The following AFF2 variants were observed in gnomAD, a reference collection of about 807,000 sequenced individuals.
The protein encoded by AFF2 is AF4/FMR2 family member 2.
In AFF2, 14 loss-of-function variants were observed where a neutral mutation model predicts 76.9. The observed-to-expected ratio is 0.18, with a 90% confidence interval of 0.12 to 0.28. The LOEUF is 0.28. Among genes scored for constraint, AFF2 ranks in the 10% least tolerant of loss-of-function variants. The probability of loss-of-function intolerance (pLI) is 1.00; values close to 1 mark genes in which losing one functional copy is unlikely to be tolerated. For missense variants in AFF2, 868 were observed against 1,001.1 expected (o/e 0.87, Z 1.79); for synonymous variants, 398 against 366.7 (o/e 1.09, Z -0.98).
At chrX:148,694,900 C>G (rs1005845958) in intron 3 of AFF2, among the ~76,000 whole-genome samples, 8 of 105,155 alleles carry the variant, frequency 7.6e-5, no homozygotes, top group Non-Finnish European at 1.6e-4. Flanking sequence ...ACTGCAACCT[C>G]CGTCTCCCGG....
At chrX:148,856,512 A>G (rs782737228) in intron 7 of AFF2, among the ~76,000 whole-genome samples, 43 of 110,720 alleles carry the variant, frequency 3.9e-4, no homozygotes, top group Non-Finnish European at 7.6e-4. Context: ...CTACCCATGG[A>G]CTCTCCAATC....
intron 1 of AFF2, among the ~76,000 whole-genome samples, chrX:148,503,339 C>G (rs782819262): frequency 1.8e-5 from 2 of 111,750 alleles, no homozygotes; most frequent in African/African-American, 6.5e-5. Flanking sequence ...CTTTGGAAGT[C>G]CAGAGCATGC....
chrX:148,542,548 T>C (rs1484719518), intron 1 of AFF2, among the ~76,000 whole-genome samples: 2 of 111,738 alleles, frequency 1.8e-5, no homozygotes, highest in Non-Finnish European at 3.8e-5. Flanking sequence ...TCTTCTATAC[T>C]AGGATATTCT....
intron 4 of AFF2, among the ~76,000 whole-genome samples, chrX:148,833,495 G>C (rs1421808629): frequency 9.1e-6 from 1 of 109,950 alleles, no homozygotes. Context: ...CCAGCTACTT[G>C]GGAGGCTGAG....
chrX:148,675,912 A>G (rs1383990902), intron 3 of AFF2, among the ~76,000 whole-genome samples: 1 of 110,799 alleles, frequency 9.0e-6, no homozygotes, highest in Non-Finnish European at 1.9e-5. Flanking sequence ...TGAACCCACA[A>G]TCCACATATA....
intron 1 of AFF2, among the ~76,000 whole-genome samples, chrX:148,511,535 T>G (rs1218955946): frequency 8.9e-6 from 1 of 112,742 alleles, no homozygotes; most frequent in African/African-American, 3.2e-5. Context: ...CAGAAAAGTT[T>G]CCACACGTGC....
chrX:148,579,337 A>T (rs1557243991), intron 1 of AFF2, among the ~76,000 whole-genome samples: 1 of 111,742 alleles, frequency 8.9e-6, no homozygotes, highest in African/African-American at 3.3e-5. Flanking sequence ...GTCTGTAAAT[A>T]ACATTGGAGT....
At chrX:148,921,376 C>G (rs782474346) in intron 9 of AFF2, among the ~76,000 whole-genome samples, 18 of 112,273 alleles carry the variant, frequency 1.6e-4, no homozygotes, top group African/African-American at 5.8e-4. Flanking sequence ...CTCTCACCCC[C>G]CAAGGGAGCC....
chrX:148,792,294 T>C (rs1221756444), intron 3 of AFF2, among the ~76,000 whole-genome samples: 1 of 112,030 alleles, frequency 8.9e-6, no homozygotes, highest in Non-Finnish European at 1.9e-5. Flanking sequence ...TAACCATTTA[T>C]ATACAAAAAT....
At chrX:148,682,582 A>G (rs985143934) in intron 3 of AFF2, among the ~76,000 whole-genome samples, 5 of 64,322 alleles carry the variant, frequency 7.8e-5, no homozygotes, top group African/African-American at 1.9e-4. Context: ...GGACAGGTGG[A>G]TGGATGGATG....
intron 9 of AFF2, among the ~76,000 whole-genome samples, chrX:148,952,458 A>G (rs1182674908): frequency 4.5e-5 from 5 of 110,715 alleles, no homozygotes; most frequent in Non-Finnish European, 9.5e-5. Context: ...GGCCCCGAGC[A>G]CTCCCCTCCC....
intron 7 of AFF2, among the ~76,000 whole-genome samples, chrX:148,863,030 G>A (rs191904611): frequency 3.6e-5 from 4 of 110,889 alleles, no homozygotes; most frequent in East Asian, 2.9e-4. Flanking sequence ...TTTATAATAC[G>A]CATGTTTGGA....
intron 3 of AFF2, among the ~76,000 whole-genome samples, chrX:148,703,872 A>C (rs2054832278): frequency 9.1e-6 from 1 of 110,291 alleles, no homozygotes; most frequent in Admixed American, 9.9e-5. Flanking sequence ...AACCTTAAAT[A>C]GGCCAGAAAA....
chrX:148,624,219 G>A (rs782592167), intron 1 of AFF2, among the ~76,000 whole-genome samples: 9 of 111,167 alleles, frequency 8.1e-5, no homozygotes, highest in South Asian at 3.8e-4. Context: ...CCATCACCAC[G>A]TCTAACCTCG....
intron 7 of AFF2, among the ~76,000 whole-genome samples, chrX:148,867,894 C>T (rs1289370797): frequency 9.0e-6 from 1 of 111,469 alleles, no homozygotes; most frequent in Non-Finnish European, 1.9e-5. Context: ...ACTACAGAGG[C>T]TATGTAAATA....
chrX:148,675,549 A>G (rs1443568313), intron 3 of AFF2, among the ~76,000 whole-genome samples: 2 of 110,027 alleles, frequency 1.8e-5, no homozygotes, highest in African/African-American at 6.6e-5. Context: ...AGTTAAGGAG[A>G]TGGCCCCAGT....
At chrX:148,850,524 C>A (rs1432067254) in intron 7 of AFF2, among the ~76,000 whole-genome samples, 1 of 110,907 alleles carries the variant, frequency 9.0e-6, no homozygotes, top group Non-Finnish European at 1.9e-5. Context: ...GATAACACAC[C>A]CCCACACACA....
rs889108184 is a variant in AFF2 at position 148,810,250 on chromosome X, A to G, written c.1086+330A>G. On this transcript the variant is annotated intron_variant, in intron 4 of 20. Transcript: ENST00000370460. Reference sequence around the variant, plus strand: ...TTGCCTTTTACCTTTCTGGGATCTCAGCTCAATCTCACTGCTGCCGCCCAC... The same window carrying G: ...TTGCCTTTTACCTTTCTGGGATCTCGGCTCAATCTCACTGCTGCCGCCCAC... Among the ~76,000 whole-genome samples, 48 of 112,166 alleles carry G rather than the reference A, an allele frequency of 4.3e-4. 1 individual carries two copies. The highest frequency in any genetic ancestry group is 1.5e-3 in the African/African-American group (46 of 30,868).
Position 148,648,733 on chromosome X carries a change from A to G in AFF2, c.48-3266A>G, listed in dbSNP as rs1373788636. Among the ~76,000 whole-genome samples, 5 of 110,938 alleles carry G rather than the reference A, an allele frequency of 4.5e-5. No homozygotes were observed. The Admixed American group carries it at 4.8e-4, about 11-fold the overall frequency. On this transcript the variant is annotated intron_variant, in intron 1 of 20. Transcript: ENST00000370460. Reference sequence around the variant, plus strand: ...TGGATATCAATGAAATAGCGATTCCAAAAAGGTAACCTGGAGAGAGAGAAA... The same window carrying G: ...TGGATATCAATGAAATAGCGATTCCGAAAAGGTAACCTGGAGAGAGAGAAA...
Sources: gnomAD v4.1 joint callset for allele counts (sites outside exome capture counted in the v4.1 genomes callset) on GRCh38, gnomAD v4.1.1 for gene constraint, MANE v1.5 for transcripts, NCBI Gene and HGNC (gene_info 2026-07-23, HGNC 2026-07-21) for gene names.